Variants in GRB14 observed in about 807,000 individuals in gnomAD.
GRB14 encodes growth factor receptor-bound protein 14.
GRB14 carries 38 observed loss-of-function variants against 69.1 expected under a neutral mutation model. The ratio of observed to expected loss-of-function variants is 0.55; its 90% CI spans 0.42 to 0.72. The LOEUF (loss-of-function observed/expected upper bound fraction) is 0.72. Among genes scored for constraint, GRB14 ranks in the 30% least tolerant of loss-of-function variants. GRB14 has a pLI of 0.00. For synonymous variants in GRB14, 247 were observed against 241.3 expected (o/e 1.02, Z -0.22); for missense variants, 666 against 666.1 (o/e 1.00, Z 0.00).
chr2:164,616,563 AT>A (rs1205940875), intron 2 of GRB14, among the ~76,000 whole-genome samples: 1 of 152,078 alleles, frequency 6.6e-6, no homozygotes, highest in Non-Finnish European at 1.5e-5. Context: ...AACATATCCC[AT>A]TTGTGGCTTC....
chr2:164,563,623 A>C, intron 2 of GRB14, among the ~76,000 whole-genome samples: 1 of 152,362 alleles, frequency 6.6e-6, no homozygotes, highest in East Asian at 1.9e-4. Flanking sequence ...TAGAGAAGAA[A>C]TAATAGAAAG....
chr2:164,568,461 A>T, intron 2 of GRB14: 1 of 1,210,304 alleles, frequency 8.3e-7, no homozygotes, highest in South Asian at 1.4e-5. Flanking sequence ...TGGGAATCTC[A>T]GGGCTCAGTG....
chr2:164,598,729 C>G (rs1689846035), intron 2 of GRB14, among the ~76,000 whole-genome samples: 1 of 152,184 alleles, frequency 6.6e-6, no homozygotes, highest in Admixed American at 6.5e-5. Context: ...AGAGTCCTAA[C>G]AGTGACCATA....
chr2:164,574,673 C>T (rs1177391399), intron 2 of GRB14, among the ~76,000 whole-genome samples: 1 of 152,064 alleles, frequency 6.6e-6, no homozygotes, highest in Non-Finnish European at 1.5e-5. Context: ...GGCATGGTGG[C>T]TTATGCCTGT....
intron 2 of GRB14, among the ~76,000 whole-genome samples, chr2:164,617,306 G>A (rs928265912): frequency 4.2e-4 from 64 of 152,256 alleles, no homozygotes; most frequent in African/African-American, 1.5e-3. Flanking sequence ...GTACAGGTGT[G>A]TGTGTGGGTA....
At chr2:164,538,567 A>G (rs1358401241) in intron 3 of GRB14, among the ~76,000 whole-genome samples, 2 of 152,224 alleles carry the variant, frequency 1.3e-5, no homozygotes, top group African/African-American at 2.4e-5. Context: ...AAGTGTGTGT[A>G]CAAGTAGAAC....
At chr2:164,530,956 C>G (rs1014031331) in intron 3 of GRB14, among the ~76,000 whole-genome samples, 1 of 151,946 alleles carries the variant, frequency 6.6e-6, no homozygotes, top group African/African-American at 2.4e-5. Context: ...GGAACTAACC[C>G]CAGGAGAGAT....
At chr2:164,505,788 T>C (rs1244986548) in intron 8 of GRB14, among the ~76,000 whole-genome samples, 2 of 152,176 alleles carry the variant, frequency 1.3e-5, no homozygotes, top group East Asian at 3.8e-4. Flanking sequence ...ACTATCTGAA[T>C]AAATAAAACA....
chr2:164,604,144 A>T (rs1467258137), intron 2 of GRB14, among the ~76,000 whole-genome samples: 4 of 152,218 alleles, frequency 2.6e-5, no homozygotes, highest in Non-Finnish European at 5.9e-5. Flanking sequence ...GCTGGTGGGC[A>T]CAACCACTTT....
intron 2 of GRB14, among the ~76,000 whole-genome samples, chr2:164,604,550 C>T (rs1690000234): frequency 6.6e-6 from 1 of 151,906 alleles, no homozygotes; most frequent in Admixed American, 6.6e-5. Flanking sequence ...AACAGTGTTT[C>T]CCTCACAGCA....
intron 3 of GRB14, among the ~76,000 whole-genome samples, chr2:164,531,451 C>T (rs1410859425): frequency 6.6e-6 from 1 of 152,180 alleles, no homozygotes; most frequent in African/African-American, 2.4e-5. Flanking sequence ...CTTCCTCTAC[C>T]TCTAAGAAAA....
At chr2:164,511,296 G>C (rs910827105) in intron 6 of GRB14, among the ~76,000 whole-genome samples, 3 of 152,166 alleles carry the variant, frequency 2.0e-5, no homozygotes, top group African/African-American at 7.2e-5. Flanking sequence ...GGGAGTCCTT[G>C]CACTACCCTT....
At chr2:164,601,324 G>A (rs1464588060) in intron 2 of GRB14, among the ~76,000 whole-genome samples, 4 of 152,016 alleles carry the variant, frequency 2.6e-5, no homozygotes, top group South Asian at 2.1e-4. Flanking sequence ...GCAGTATACC[G>A]ATACCATAAG....
chr2:164,580,409 T>C (rs1469321507), intron 2 of GRB14, among the ~76,000 whole-genome samples: 2 of 150,828 alleles, frequency 1.3e-5, no homozygotes, highest in African/African-American at 4.8e-5. Flanking sequence ...TACATTTCTT[T>C]AGAGTGTATT....
At chr2:164,614,307 T>C (rs1690234774) in intron 2 of GRB14, among the ~76,000 whole-genome samples, 1 of 152,252 alleles carries the variant, frequency 6.6e-6, no homozygotes, top group Non-Finnish European at 1.5e-5. Flanking sequence ...AATGGGATTT[T>C]GTAAAATAGC....
rs767062765 is a variant in GRB14, at chr2:164,582,435, T to A, written c.325-34619A>T. ...TTTATTTATTTATTATTTTTTTTTT[T>A]TTTTGAGAAGGAGTCTCGCTCTGTT... On this transcript the variant is annotated intron_variant, in intron 2 of 13. Coordinates refer to ENST00000263915, the MANE Select transcript of GRB14 (RefSeq NM_004490.3). 8.9e-3 allele frequency among the ~76,000 whole-genome samples: 1,339 copies of A among 151,252 alleles called. 10 individuals carry two copies. Among genetic ancestry groups the A allele is most frequent in the Non-Finnish European group, 0.014 (918 of 67,704 alleles).
intron 3 of GRB14, among the ~76,000 whole-genome samples, chr2:164,535,345 T>A (rs1399382744): frequency 6.6e-6 from 1 of 152,212 alleles, no homozygotes; most frequent in Non-Finnish European, 1.5e-5. Context: ...CTGAAACTGT[T>A]GATTTAACAT....
chr2:164,540,363 C>G (rs1688199851), intron 3 of GRB14, among the ~76,000 whole-genome samples: 1 of 152,204 alleles, frequency 6.6e-6, no homozygotes, highest in African/African-American at 2.4e-5. Context: ...GTAATCCCAG[C>G]ACTTTGGGAG....
chr2:164,536,272 A>G (rs966207122), intron 3 of GRB14, among the ~76,000 whole-genome samples: 7 of 152,214 alleles, frequency 4.6e-5, no homozygotes, highest in Admixed American at 1.3e-4. Flanking sequence ...ATTACTGTCT[A>G]ATTTTAATAA....
Sources: allele counts gnomAD v4.1 joint callset (sites outside exome capture counted in the v4.1 genomes callset), GRCh38; gene constraint gnomAD v4.1.1; transcripts MANE v1.5; gene names NCBI Gene and HGNC (gene_info 2026-07-23, HGNC 2026-07-21).